FNDC3B: variants seen among roughly 807,000 people sequenced by gnomAD.
The protein encoded by FNDC3B is fibronectin type III domain containing 3B.
A neutral mutation model predicts 151.5 loss-of-function variants in FNDC3B; 12 were observed. The observed-to-expected ratio is 0.08, with a 90% CI of 0.05 to 0.13. The LOEUF (loss-of-function observed/expected upper bound fraction) is 0.13. Ranked by LOEUF, FNDC3B falls within the 10% of genes least tolerant of loss-of-function variation. FNDC3B has a pLI of 1.00. For missense variants in FNDC3B, 1,214 were observed against 1,505.3 expected (o/e 0.81, Z 3.20); for synonymous variants, 528 against 549.0 (o/e 0.96, Z 0.54).
At chr3:172,357,831 G>A (rs1289117277) in intron 22 of FNDC3B, among the ~76,000 whole-genome samples, 4 of 151,904 alleles carry the variant, frequency 2.6e-5, no homozygotes, top group Admixed American at 1.3e-4. Flanking sequence ...ACGTATTTTC[G>A]CTGAAACAAA....
chr3:172,202,078 C>T (rs1472780699), intron 3 of FNDC3B, among the ~76,000 whole-genome samples: 1 of 152,092 alleles, frequency 6.6e-6, no homozygotes, highest in African/African-American at 2.4e-5. Flanking sequence ...TTTTGAGCTC[C>T]TTAAAAGGCA....
chr3:172,136,746 G>A (rs1310058979), intron 3 of FNDC3B, among the ~76,000 whole-genome samples: 2 of 152,146 alleles, frequency 1.3e-5, no homozygotes, highest in African/African-American at 2.4e-5. Context: ...TTGAGATGGA[G>A]TCTCACTCTG....
chr3:172,194,205 G>C (rs1724713077), intron 3 of FNDC3B, among the ~76,000 whole-genome samples: 1 of 152,036 alleles, frequency 6.6e-6, no homozygotes, highest in South Asian at 2.1e-4. Flanking sequence ...GGGCAACAGA[G>C]CAAGACTCCA....
At chr3:172,395,774 T>C (rs1374262567) in intron 25 of FNDC3B, among the ~76,000 whole-genome samples, 3 of 152,166 alleles carry the variant, frequency 2.0e-5, no homozygotes, top group Non-Finnish European at 4.4e-5. Flanking sequence ...GGCAAAAGAC[T>C]TGTACATATT....
chr3:172,046,876 C>T (rs1716393962), intron 1 of FNDC3B: 1 of 152,158 alleles, frequency 6.6e-6, no homozygotes, highest in Non-Finnish European at 1.5e-5. Context: ...GAATGTTCTA[C>T]TCTGTTCTGA....
At chr3:172,271,932 G>C (rs1397491310) in intron 6 of FNDC3B, among the ~76,000 whole-genome samples, 1 of 152,150 alleles carries the variant, frequency 6.6e-6, no homozygotes, top group Non-Finnish European at 1.5e-5. Flanking sequence ...GAGAAAACCT[G>C]GATTATGTAG....
intron 2 of FNDC3B, among the ~76,000 whole-genome samples, chr3:172,116,342 G>A (rs1330981411): frequency 6.6e-6 from 1 of 152,112 alleles, no homozygotes; most frequent in Non-Finnish European, 1.5e-5. Context: ...TCACAGAATT[G>A]TACAACCTTA....
intron 3 of FNDC3B, among the ~76,000 whole-genome samples, chr3:172,157,482 A>G (rs1192649293): frequency 1.3e-5 from 2 of 152,174 alleles, no homozygotes; most frequent in Non-Finnish European, 2.9e-5. Flanking sequence ...AATAATCACT[A>G]CCATAATTAA....
rs1735399105 is a variant in FNDC3B, at chr3:172,380,835, A to G, written c.3176-131A>G. On this transcript the variant is annotated intron_variant, in intron 24 of 25. Transcript: ENST00000415807. The stretch of plus-strand genomic sequence containing the variant: ...GCTGGTTTTATGAGAGGCTGGGCAA[A>G]TCAGCTCCTCTCTCAGGGCAAACAC... 3.0e-6 allele frequency: 3 copies of G among 999,138 alleles called. No individual in the cohort carries two copies. The East Asian group carries it at 7.7e-5, about 26-fold the overall frequency. The allele number at this position is 999,138 out of a possible 1,614,324, so 61.9% of individuals were successfully genotyped here.
At chr3:172,174,459 C>G (rs1444865390) in intron 3 of FNDC3B, among the ~76,000 whole-genome samples, 1 of 152,202 alleles carries the variant, frequency 6.6e-6, no homozygotes, top group Non-Finnish European at 1.5e-5. Flanking sequence ...GAATGACAGT[C>G]TCATCTTGCT....
intron 11 of FNDC3B, among the ~76,000 whole-genome samples, chr3:172,314,398 G>T (rs957822047): frequency 2.0e-5 from 3 of 152,174 alleles, no homozygotes; most frequent in Non-Finnish European, 4.4e-5. Flanking sequence ...GAAGAAGGTT[G>T]TGTTCAGGCA....
chr3:172,040,671 CG>C lies in FNDC3B; in HGVS notation c.-29+903del, dbSNP rs1715990794. ...GCGCCTCGGCCGGGGATAGGGCGGG[CG>C]GGCGGAATCTGCGCCCCGAGGCGGC... On this transcript the variant is annotated intron_variant, in intron 1 of 25. Coordinates refer to ENST00000415807, the MANE Select transcript of FNDC3B (RefSeq NM_022763.4). This position sits in a 1 kb window ranked among gnomAD's most constrained non-coding sequence, Gnocchi z 6.6. 1 of 151,440 alleles carries C rather than the reference CG, an allele frequency of 6.6e-6. No homozygotes were observed. Among genetic ancestry groups the C allele is most frequent in the Admixed American group, 6.6e-5 (1 of 15,230 alleles). 9.4% of individuals were successfully genotyped at this position (151,440 alleles called of 1,614,324 possible). A position where few individuals can be genotyped will look rare whatever the true frequency, so the allele number is the denominator to read the frequency against.
intron 6 of FNDC3B, among the ~76,000 whole-genome samples, chr3:172,281,234 T>C (rs1308607305): frequency 5.0e-5 from 6 of 119,696 alleles, no homozygotes; most frequent in Admixed American, 7.9e-5. Context: ...TATTTATTTA[T>C]TTATTTATTT....
At chr3:172,317,664 C>T (rs6763981) in intron 11 of FNDC3B, among the ~76,000 whole-genome samples, 9,276 of 152,204 alleles carry the variant, frequency 0.061, 1,013 homozygotes, top group African/African-American at 0.21. Flanking sequence ...GGACAACAGC[C>T]GATTCAGTGT....
rs575542963 is a variant in FNDC3B, at chr3:172,377,238, T to A, written c.3009-1032T>A. Among the ~76,000 whole-genome samples, 2 of 152,326 alleles carry A rather than the reference T, an allele frequency of 1.3e-5. 1 individual carries two copies. The highest frequency in any genetic ancestry group is 3.9e-4 in the East Asian group (2 of 5,186). On this transcript the variant is annotated intron_variant, in intron 23 of 25. Coordinates refer to ENST00000415807, the MANE Select transcript of FNDC3B (RefSeq NM_022763.4). ...AGATGCTGTGACGAAGCCCTGGAAATGTAGAATCCATTGGCCTGTCTGTCT... is the reference window on the plus strand; with the variant it reads ...AGATGCTGTGACGAAGCCCTGGAAAAGTAGAATCCATTGGCCTGTCTGTCT...
chr3:172,068,509 C>T (rs1192319888), intron 1 of FNDC3B, among the ~76,000 whole-genome samples: 3 of 150,928 alleles, frequency 2.0e-5, no homozygotes, highest in African/African-American at 7.3e-5. Flanking sequence ...CTGCAGCCTC[C>T]GCCACCCGGG....
chr3:172,178,181 A>G (rs1474438264), intron 3 of FNDC3B, among the ~76,000 whole-genome samples: 1 of 151,944 alleles, frequency 6.6e-6, no homozygotes, highest in East Asian at 1.9e-4. Flanking sequence ...GCCTCCATGC[A>G]CTCTGAATTG....
At chr3:172,135,430 A>C (rs1389625644) in intron 3 of FNDC3B, among the ~76,000 whole-genome samples, 1 of 152,196 alleles carries the variant, frequency 6.6e-6, no homozygotes, top group Non-Finnish European at 1.5e-5. Flanking sequence ...GTATTTATTC[A>C]TGATGATACT....
intron 4 of FNDC3B, among the ~76,000 whole-genome samples, chr3:172,238,197 G>C (rs1326723808): frequency 2.0e-5 from 3 of 151,918 alleles, no homozygotes; most frequent in Non-Finnish European, 4.4e-5. Context: ...TTTTATTTTT[G>C]AGACAGGATC....
Sources: gnomAD v4.1 joint callset for allele counts (sites outside exome capture counted in the v4.1 genomes callset) on GRCh38, gnomAD v4.1.1 for gene constraint, Gnocchi (gnomAD v3.1) non-coding constraint, MANE v1.5 for transcripts, NCBI Gene and HGNC (gene_info 2026-07-23, HGNC 2026-07-21) for gene names.